GRIA2: variants seen among roughly 807,000 people sequenced by gnomAD.
GRIA2 encodes glutamate ionotropic receptor AMPA type subunit 2.
GRIA2 carries 14 observed loss-of-function variants against 97.3 expected under a neutral mutation model. That is an observed-to-expected ratio of 0.14 (90% CI 0.10 to 0.23). GRIA2 has a LOEUF of 0.23. GRIA2 is among the 10% of genes least tolerant of loss of function. The pLI is 1.00. For synonymous variants in GRIA2, 412 were observed against 387.8 expected (o/e 1.06, Z -0.73); for missense variants, 558 against 1,069.8 (o/e 0.52, Z 6.67).
chr4:157,362,654 A>T (rs1736683824), intron 14 of GRIA2, 145 bp from the exon 15 acceptor site: 2 of 729,302 alleles, frequency 2.7e-6, no homozygotes, highest in African/African-American at 1.8e-5. Context: ...AAAATGGACC[A>T]TCTAAGAGAA....
At chr4:157,339,756 G>A (rs1463921880) in intron 11 of GRIA2, among the ~76,000 whole-genome samples, 3 of 151,898 alleles carry the variant, frequency 2.0e-5, no homozygotes, top group Admixed American at 2.0e-4. Context: ...CTGAATCTGC[G>A]CTCTTAAATA....
chr4:157,323,336 C>CAAAAAAAAAA (rs779080483), intron 6 of GRIA2, among the ~76,000 whole-genome samples: 5 of 51,474 alleles, frequency 9.7e-5, no homozygotes, highest in African/African-American at 1.7e-4. Context: ...GACTCTGTCT[C>CAAAAAAAAAA]AAAAAAAAAA....
At chr4:157,231,506 A>T (rs1730018249) in intron 2 of GRIA2, among the ~76,000 whole-genome samples, 1 of 152,204 alleles carries the variant, frequency 6.6e-6, no homozygotes, top group Non-Finnish European at 1.5e-5. Flanking sequence ...AGGAAAAAAC[A>T]CAAATTTAAG....
At chr4:157,296,845 A>T (rs890341930) in intron 2 of GRIA2, among the ~76,000 whole-genome samples, 1 of 152,190 alleles carries the variant, frequency 6.6e-6, no homozygotes. Flanking sequence ...ACAGGCATTC[A>T]TAGGTAAATG....
At chr4:157,269,244 A>T (rs1731908350) in intron 2 of GRIA2, among the ~76,000 whole-genome samples, 2 of 152,032 alleles carry the variant, frequency 1.3e-5, no homozygotes, top group South Asian at 4.1e-4. Context: ...GAAAGGTCAA[A>T]ATTAGGTGTC....
At chr4:157,259,143 G>T (rs899294944) in intron 2 of GRIA2, among the ~76,000 whole-genome samples, 15 of 152,108 alleles carry the variant, frequency 9.9e-5, no homozygotes, top group African/African-American at 3.4e-4. Flanking sequence ...TGAGAGGACT[G>T]CTTGAGCCCA....
Position 157,255,780 on chromosome 4 carries a change from C to T in GRIA2, c.229+33973C>T, listed in dbSNP as rs893592391. 9.9e-5 allele frequency among the ~76,000 whole-genome samples: 15 copies of T among 151,604 alleles called. No individual in the cohort carries two copies. The East Asian group carries it at 1.6e-3, about 16-fold the overall frequency. On this transcript the variant is annotated intron_variant, in intron 2 of 15. Transcript: ENST00000264426. ...CAAGGGACTCAAACAACTCAACAAC[C>T]GTAACAAAAACCAAATAAACAACCA...
intron 2 of GRIA2, among the ~76,000 whole-genome samples, chr4:157,222,441 C>A (rs1729540950): frequency 6.6e-6 from 1 of 152,132 alleles, no homozygotes; most frequent in African/African-American, 2.4e-5. Flanking sequence ...AGGAGCGGGG[C>A]TGACGCAGGC....
intron 2 of GRIA2, among the ~76,000 whole-genome samples, chr4:157,280,914 T>C (rs762357487): frequency 1.4e-4 from 22 of 151,924 alleles, no homozygotes; most frequent in Non-Finnish European, 2.6e-4. Flanking sequence ...CAGGTAAAGA[T>C]ACACATATTA....
At chr4:157,313,165 GA>G (rs1388736211) in intron 4 of GRIA2, among the ~76,000 whole-genome samples, 1 of 151,876 alleles carries the variant, frequency 6.6e-6, no homozygotes, top group Non-Finnish European at 1.5e-5. Context: ...ATTTTCATTT[GA>G]AAATTTTAAA....
At chr4:157,313,337 T>A (rs774987381) in intron 4 of GRIA2, among the ~76,000 whole-genome samples, 2 of 152,062 alleles carry the variant, frequency 1.3e-5, no homozygotes, top group African/African-American at 2.4e-5. Context: ...CAAGATATAT[T>A]TTTTTTCTTC....
intron 12 of GRIA2, among the ~76,000 whole-genome samples, chr4:157,344,319 G>T (rs746796309): frequency 6.6e-6 from 1 of 151,972 alleles, no homozygotes; most frequent in Admixed American, 6.6e-5. Context: ...TTCACCACAG[G>T]TCTTGGGTTC....
intron 12 of GRIA2, among the ~76,000 whole-genome samples, chr4:157,359,127 C>A (rs4582196): frequency 0.97 from 147,426 of 152,278 alleles, 71,536 homozygotes; most frequent in Middle Eastern, 1. Flanking sequence ...AGGAAGTATT[C>A]AATGACTCTT....
chr4:157,320,099 T>C (rs1734494777), intron 5 of GRIA2, among the ~76,000 whole-genome samples: 1 of 152,126 alleles, frequency 6.6e-6, no homozygotes, highest in Admixed American at 6.5e-5. Context: ...AATGTTTTCA[T>C]GGAAGCACTG....
chr4:157,354,628 G>C (rs539752252), intron 12 of GRIA2, among the ~76,000 whole-genome samples: 1 of 152,188 alleles, frequency 6.6e-6, no homozygotes, highest in Non-Finnish European at 1.5e-5. Context: ...TGTGATGGCA[G>C]ATGTTGTTAC....
intron 6 of GRIA2, among the ~76,000 whole-genome samples, chr4:157,328,027 G>A (rs1366395514): frequency 4.0e-5 from 6 of 151,886 alleles, no homozygotes; most frequent in African/African-American, 1.5e-4. Context: ...TTTGAAATTT[G>A]ACATATTAAT....
intron 2 of GRIA2, among the ~76,000 whole-genome samples, 153 bp from the exon 3 acceptor site, chr4:157,303,399 G>A (rs1285426614): frequency 1.3e-5 from 2 of 152,100 alleles, no homozygotes; most frequent in African/African-American, 4.8e-5. Context: ...AAGTAAATAA[G>A]TGTTAATAAA....
At chr4:157,341,062 G>C (rs949072999) in intron 11 of GRIA2, among the ~76,000 whole-genome samples, 2 of 151,982 alleles carry the variant, frequency 1.3e-5, no homozygotes, top group African/African-American at 4.8e-5. Context: ...GTTTTGACCT[G>C]TGTGTATGTT....
intron 2 of GRIA2, among the ~76,000 whole-genome samples, chr4:157,223,229 C>T (rs970327735): frequency 7.2e-5 from 11 of 152,090 alleles, no homozygotes; most frequent in African/African-American, 2.4e-4. Context: ...GTCACCCGGA[C>T]GAATGAAGAA....
Sources: allele counts gnomAD v4.1 joint callset (sites outside exome capture counted in the v4.1 genomes callset), GRCh38; gene constraint gnomAD v4.1.1; transcripts MANE v1.5; gene names NCBI Gene and HGNC (gene_info 2026-07-23, HGNC 2026-07-21).